NFYC: variants seen among roughly 807,000 people sequenced by gnomAD.
NFYC encodes the protein CAAT box DNA-binding protein subunit C.
Under a neutral mutation model 53.1 loss-of-function variants are expected in NFYC, and 25 were observed. The observed-to-expected ratio is 0.47, with a 90% confidence interval of 0.34 to 0.66. The LOEUF (loss-of-function observed/expected upper bound fraction) is 0.66, where lower values mean the gene tolerates loss of function less well. Among genes scored for constraint, NFYC ranks in the 30% least tolerant of loss-of-function variants. The probability of loss-of-function intolerance (pLI) is 0.01; values close to 1 mark genes in which losing one functional copy is unlikely to be tolerated. For synonymous variants in NFYC, 145 were observed against 152.6 expected (o/e 0.95, Z 0.37); for missense variants, 260 against 422.7 (o/e 0.62, Z 3.38).
At chr1:40,734,403 C>T (rs952875316) in intron 1 of NFYC, among the ~76,000 whole-genome samples, 4 of 151,752 alleles carry the variant, frequency 2.6e-5, no homozygotes, top group African/African-American at 9.7e-5. Flanking sequence ...TGCTCTGTCA[C>T]CCAGGCTGGA....
At chr1:40,695,171 A>G (rs1317161548) in intron 1 of NFYC, among the ~76,000 whole-genome samples, 1 of 152,144 alleles carries the variant, frequency 6.6e-6, no homozygotes, top group Non-Finnish European at 1.5e-5. Context: ...CCCGGGAGGT[A>G]GAGGTTGCAG....
chr1:40,762,887 G>C lies in NFYC; in HGVS notation c.562-1G>C. The C allele has an allele frequency of 1.3e-6, 2 of 1,594,888 alleles. No homozygotes were observed. Among genetic ancestry groups the C allele is most frequent in the Non-Finnish European group, 8.6e-7 (1 of 1,169,380 alleles). ...AGCATTCTCATAACTCTTCCTTTCA[G>C]ACCACACCTGTGACAATGCAGGTTG... is the stretch of plus-strand genomic sequence containing the variant. On this transcript the variant is annotated splice_acceptor_variant, in intron 6 of 9. Coordinates refer to ENST00000447388, the MANE Select transcript of NFYC (RefSeq NM_014223.5). LOFTEE classifies it high-confidence loss of function.
At chr1:40,730,684 C>A in intron 1 of NFYC, 1 of 776,072 alleles carries the variant, frequency 1.3e-6, no homozygotes, top group Non-Finnish European at 1.6e-6. Context: ...GAACTCAACC[C>A]AAAAAGCCTA....
intron 4 of NFYC, 81 bp downstream of exon 4, chr1:40,749,767 T>C (rs574132965): frequency 1.6e-5 from 18 of 1,145,096 alleles, no homozygotes; most frequent in Non-Finnish European, 2.4e-5. Flanking sequence ...TGGAGAAAGA[T>C]TGTTCTCCTT....
chr1:40,724,218 A>G (rs1293276266), intron 1 of NFYC, among the ~76,000 whole-genome samples: 1 of 152,184 alleles, frequency 6.6e-6, no homozygotes, highest in African/African-American at 2.4e-5. Context: ...AAATACAAAA[A>G]TTAGCTGGGT....
chr1:40,711,297 T>C (rs911172471), intron 1 of NFYC, among the ~76,000 whole-genome samples: 4 of 152,218 alleles, frequency 2.6e-5, no homozygotes, highest in Admixed American at 6.5e-5. Context: ...TGAAGAAGTA[T>C]GTGTTAAGGA....
chr1:40,696,426 T>A (rs1012304394), intron 1 of NFYC, among the ~76,000 whole-genome samples: 1 of 152,230 alleles, frequency 6.6e-6, no homozygotes, highest in African/African-American at 2.4e-5. Context: ...TCCTGGCTTC[T>A]TAGCTCAGGA....
intron 2 of NFYC, among the ~76,000 whole-genome samples, chr1:40,740,595 C>T (rs1217936629): frequency 6.6e-6 from 1 of 152,154 alleles, no homozygotes; most frequent in Non-Finnish European, 1.5e-5. Flanking sequence ...GTCATTGTTC[C>T]TCTTCTGCAG....
chr1:40,715,614 T>C (rs1644106139), intron 1 of NFYC, among the ~76,000 whole-genome samples: 1 of 152,112 alleles, frequency 6.6e-6, no homozygotes, highest in African/African-American at 2.4e-5. Context: ...TCAGATTCTA[T>C]TTGTATTATC....
In NFYC at chr1:40,771,106, CAT is replaced by C. The variant is rs765094158; in HGVS notation, c.*281_*282del. On this transcript the variant is annotated 3_prime_UTR_variant, in exon 10 of 10. Coordinates refer to ENST00000447388, the MANE Select transcript of NFYC (RefSeq NM_014223.5). ...GCTATGAAATTAAAATATTAAATAA[CAT>C]ATTTATGGCATTTTCTTGAAGAGTG... 11 of 486,188 alleles carry C rather than the reference CAT, an allele frequency of 2.3e-5. No homozygotes were observed. Among genetic ancestry groups the C allele is most frequent in the South Asian group, 9.2e-5 (3 of 32,512 alleles). 30.1% of individuals were successfully genotyped at this position (486,188 alleles called of 1,614,324 possible).
chr1:40,692,487 G>A (rs1366155908), intron 1 of NFYC: 1 of 152,448 alleles, frequency 6.6e-6, no homozygotes, highest in East Asian at 1.9e-4. Flanking sequence ...CGAAACCCAA[G>A]TGACAGGCTG....
At chr1:40,708,700 AC>A (rs1342653804) in intron 1 of NFYC, among the ~76,000 whole-genome samples, 5 of 152,248 alleles carry the variant, frequency 3.3e-5, no homozygotes. Context: ...TAACATAATG[AC>A]AGATGCCTTT....
chr1:40,739,440 C>T (rs535291671), intron 2 of NFYC, among the ~76,000 whole-genome samples: 1 of 152,214 alleles, frequency 6.6e-6, no homozygotes, highest in South Asian at 2.1e-4. Flanking sequence ...ACATTTTGGG[C>T]CAGATAATTC....
At chr1:40,696,045 T>C (rs1185970568) in intron 1 of NFYC, among the ~76,000 whole-genome samples, 1 of 129,418 alleles carries the variant, frequency 7.7e-6, no homozygotes, top group East Asian at 2.2e-4. Flanking sequence ...TTTTTTGAGA[T>C]AGAGTCTCGC....
At chr1:40,723,734 A>G (rs570083494) in intron 1 of NFYC, 50 of 152,272 alleles carry the variant, frequency 3.3e-4, no homozygotes, top group African/African-American at 1.2e-3. Context: ...CAGTGGCGCA[A>G]TCATGGCTCA....
At chr1:40,723,077 G>T (rs1644384171) in intron 1 of NFYC, 1 of 152,096 alleles carries the variant, frequency 6.6e-6, no homozygotes, top group South Asian at 2.1e-4. Context: ...AATAATATTG[G>T]TAAATTTATC....
At chr1:40,713,333 G>A (rs1362579731) in intron 1 of NFYC, among the ~76,000 whole-genome samples, 2 of 152,220 alleles carry the variant, frequency 1.3e-5, no homozygotes, top group Non-Finnish European at 2.9e-5. Context: ...GACAGAATGA[G>A]GTTTGGCAAA....
At chr1:40,758,064 G>GT in intron 5 of NFYC, 57 bp from the exon 6 acceptor site, 9 of 1,591,942 alleles carry the variant, frequency 5.7e-6, no homozygotes, top group Non-Finnish European at 6.9e-6. Context: ...GAAATTCACT[G>GT]TGGCGGCTGC....
At chr1:40,699,947 C>G (rs1440595739) in intron 1 of NFYC, among the ~76,000 whole-genome samples, 1 of 152,196 alleles carries the variant, frequency 6.6e-6, no homozygotes, top group East Asian at 1.9e-4. Flanking sequence ...AGGGAAGATA[C>G]ATTACGCGGT....
Sources: gnomAD v4.1 joint callset for allele counts (sites outside exome capture counted in the v4.1 genomes callset) on GRCh38, gnomAD v4.1.1 for gene constraint, MANE v1.5 for transcripts, NCBI Gene and HGNC (gene_info 2026-07-23, HGNC 2026-07-21) for gene names.